SIMC1: variants seen among roughly 807,000 people sequenced by gnomAD.
SIMC1 encodes SUMO interacting motifs containing 1, also known as SUMO-interacting motif-containing protein 1.
Under a neutral mutation model 82.3 loss-of-function variants are expected in SIMC1, and 55 were observed. The ratio of observed to expected loss-of-function variants is 0.67; its 90% CI spans 0.54 to 0.84. The LOEUF (loss-of-function observed/expected upper bound fraction) is 0.84. Ranked by LOEUF, SIMC1 falls within the 40% of genes least tolerant of loss-of-function variation. The pLI is 0.00. For missense variants in SIMC1, 915 were observed against 1,107.2 expected (o/e 0.83, Z 2.46); for synonymous variants, 353 against 426.3 (o/e 0.83, Z 2.12).
At chr5:176,291,837 C>T (rs1350146443) in intron 2 of SIMC1, among the ~76,000 whole-genome samples, 3 of 152,168 alleles carry the variant, frequency 2.0e-5, no homozygotes, top group Non-Finnish European at 2.9e-5. Context: ...TAATAACATA[C>T]CTCACAGGGT....
At chr5:176,277,392 G>A (rs1762759256) in intron 1 of SIMC1, among the ~76,000 whole-genome samples, 1 of 151,950 alleles carries the variant, frequency 6.6e-6, no homozygotes, top group Non-Finnish European at 1.5e-5. Flanking sequence ...CTCCCATTTT[G>A]TAGGTTGCCT....
At chr5:176,291,159 CTTTTTTTTTTTTT>C (rs1173030195) in intron 2 of SIMC1, among the ~76,000 whole-genome samples, 6 of 88,502 alleles carry the variant, frequency 6.8e-5, no homozygotes, top group Non-Finnish European at 1.2e-4. Flanking sequence ...TGTCACTTTA[CTTTTTTTTTTTTT>C]TTTTTTTTTG....
intron 1 of SIMC1, among the ~76,000 whole-genome samples, chr5:176,273,184 T>A (rs1762521887): frequency 6.6e-6 from 1 of 152,188 alleles, no homozygotes; most frequent in Admixed American, 6.5e-5. Context: ...CACCTCCCAG[T>A]AGAGGCTGAC....
chr5:176,295,856 T>C (rs1763790432), intron 3 of SIMC1, among the ~76,000 whole-genome samples: 1 of 152,002 alleles, frequency 6.6e-6, no homozygotes, highest in African/African-American at 2.4e-5. Context: ...AAATTGAGTC[T>C]TGCAGGATTT....
intron 1 of SIMC1, among the ~76,000 whole-genome samples, chr5:176,272,194 AAAAAG>A (rs1762469612): frequency 1.4e-5 from 2 of 144,562 alleles, no homozygotes; most frequent in Admixed American, 1.4e-4. Context: ...AAAAAAAAAA[AAAAAG>A]GTGGGCATGG....
At chr5:176,337,671 C>T (rs1484509557) in intron 9 of SIMC1, among the ~76,000 whole-genome samples, 1 of 152,200 alleles carries the variant, frequency 6.6e-6, no homozygotes, top group African/African-American at 2.4e-5. Context: ...GGCATCCTCC[C>T]TTGGCCTGTC....
At chr5:176,257,252 T>C (rs1008676923) in intron 1 of SIMC1, among the ~76,000 whole-genome samples, 3 of 152,216 alleles carry the variant, frequency 2.0e-5, no homozygotes, top group Non-Finnish European at 4.4e-5. Flanking sequence ...CTGAGAATAC[T>C]CATCTCTCAC....
rs542385252 is a variant in SIMC1, at chr5:176,290,073, C to T, written c.549C>T (p.Ser183=). The change falls in exon 2 of 10, where the codon AGC becomes AGT. Residue 183 remains serine, a synonymous_variant. Transcript: ENST00000429602. The stretch of plus-strand genomic sequence containing the variant: ...GTCTACAGCTGTCTTCAGATGTTAG[C>T]TCCCTCTCCCCAACAAGCAATAATA... The part of the protein sequence containing the change: ...LASLQLSSDV[S]SLSPTSNNSR... The T allele has an allele frequency of 1.1e-5, 18 of 1,608,656 alleles. No homozygotes were observed. The East Asian group carries it at 4.0e-4, about 36-fold the overall frequency.
At chr5:176,315,899 G>T (rs1764881169) in intron 5 of SIMC1, among the ~76,000 whole-genome samples, 1 of 152,186 alleles carries the variant, frequency 6.6e-6, no homozygotes, top group African/African-American at 2.4e-5. Context: ...AATTGGCCGG[G>T]TACAGTGGCT....
chr5:176,291,159 CTTTT>C (rs1173030195), intron 2 of SIMC1, among the ~76,000 whole-genome samples: 2 of 88,502 alleles, frequency 2.3e-5, no homozygotes, highest in East Asian at 6.5e-4. Flanking sequence ...TGTCACTTTA[CTTTT>C]TTTTTTTTTT....
chr5:176,308,581 T>A, intron 4 of SIMC1: 1 of 1,589,300 alleles, frequency 6.3e-7, no homozygotes, highest in Non-Finnish European at 8.6e-7. Flanking sequence ...TACACTTGCT[T>A]CCAATCCATA....
At chr5:176,304,882 C>A (rs983768303) in intron 4 of SIMC1, among the ~76,000 whole-genome samples, 1 of 148,306 alleles carries the variant, frequency 6.7e-6, no homozygotes, top group African/African-American at 2.5e-5. Flanking sequence ...GCCGAGACCC[C>A]GTCTGGGAGG....
chr5:176,240,790 A>G (rs1761254514), intron 1 of SIMC1, among the ~76,000 whole-genome samples: 1 of 92,054 alleles, frequency 1.1e-5, no homozygotes, highest in Admixed American at 1.0e-4. Context: ...TGAGTTTTGG[A>G]AAGTTCTGTC....
chr5:176,267,731 C>CTTTT (rs1762252812), intron 1 of SIMC1, among the ~76,000 whole-genome samples: 2 of 24,018 alleles, frequency 8.3e-5, no homozygotes, highest in Admixed American at 5.0e-4. Context: ...TCTTTTCTTT[C>CTTTT]TGTTTTTTTT....
At chr5:176,243,096 AACT>A (rs1243817648) in intron 1 of SIMC1, among the ~76,000 whole-genome samples, 1 of 152,092 alleles carries the variant, frequency 6.6e-6, no homozygotes, top group African/African-American at 2.4e-5. Context: ...ATGATAATGG[AACT>A]ACATTCTACT....
chr5:176,255,263 A>G (rs1447018081), intron 1 of SIMC1, among the ~76,000 whole-genome samples: 1 of 150,228 alleles, frequency 6.7e-6, no homozygotes, highest in Non-Finnish European at 1.5e-5. Context: ...AGAACCAATA[A>G]TGTTTCAAAT....
chr5:176,306,067 C>G (rs1186042966), intron 4 of SIMC1, among the ~76,000 whole-genome samples: 2 of 83,834 alleles, frequency 2.4e-5, no homozygotes, highest in Non-Finnish European at 5.1e-5. Flanking sequence ...GCCAGCCGCT[C>G]CGTCCGGGAG....
chr5:176,330,324 T>TGAGG (rs1286535295), intron 7 of SIMC1, among the ~76,000 whole-genome samples: 2 of 149,586 alleles, frequency 1.3e-5, no homozygotes, highest in Non-Finnish European at 3.0e-5. Context: ...TCGCTTGAAA[T>TGAGG]CAGGAGGTGG....
At chr5:176,281,540 T>A (rs1267611975) in intron 1 of SIMC1, among the ~76,000 whole-genome samples, 1 of 152,134 alleles carries the variant, frequency 6.6e-6, no homozygotes, top group Non-Finnish European at 1.5e-5. Flanking sequence ...TGCTCTGCTT[T>A]TTCCCCATCT....
Sources: allele counts gnomAD v4.1 joint callset (sites outside exome capture counted in the v4.1 genomes callset), GRCh38; gene constraint gnomAD v4.1.1; transcripts MANE v1.5; gene names NCBI Gene and HGNC (gene_info 2026-07-23, HGNC 2026-07-21).